PPP1R21: variants seen among roughly 807,000 people sequenced by gnomAD.
PPP1R21 encodes the protein protein phosphatase 1 regulatory subunit 21, also known as KLRAQ motif containing 1.
In PPP1R21, 85 loss-of-function variants were observed where a neutral mutation model predicts 112.8. The ratio of observed to expected loss-of-function variants is 0.75; its 90% CI spans 0.63 to 0.90. PPP1R21 has a LOEUF of 0.90. Among genes scored for constraint, PPP1R21 ranks in the 40% least tolerant of loss-of-function variants. PPP1R21 has a pLI of 0.00. For missense variants in PPP1R21, 1,199 were observed against 901.5 expected, an observed-to-expected ratio of 1.33 and a Z score of -4.23; for synonymous variants, 381 against 322.3, an observed-to-expected ratio of 1.18 and a Z score of -1.95.
chr2:48,452,304 G>A (rs1259782925), intron 2 of PPP1R21, among the ~76,000 whole-genome samples: 2 of 152,074 alleles, frequency 1.3e-5, no homozygotes, highest in Non-Finnish European at 2.9e-5. Flanking sequence ...TATTGATTGA[G>A]CACTCACTGC....
intron 15 of PPP1R21, among the ~76,000 whole-genome samples, chr2:48,494,302 G>T (rs1669710082): frequency 7.3e-6 from 1 of 136,958 alleles, no homozygotes; most frequent in East Asian, 2.4e-4. Flanking sequence ...TGCATTTAAT[G>T]TGCCTAACCT....
chr2:48,480,023 C>G lies in PPP1R21; in HGVS notation c.1318+7C>G. ...TTTCATGACGTTATGAAAGGTAGGC[C>G]TTGAAAAAGAACGTAAGCTTAAAAC... is the stretch of plus-strand genomic sequence containing the variant. On this transcript the variant is annotated splice_region_variant and intron_variant, in intron 13 of 21. Coordinates refer to ENST00000294952, the MANE Select transcript of PPP1R21 (RefSeq NM_001135629.3). 6.3e-7 allele frequency: 1 copy of G among 1,585,584 alleles called. No individual in the cohort carries two copies. The highest frequency in any genetic ancestry group is 8.7e-7 in the Non-Finnish European group (1 of 1,154,044).
chr2:48,442,718 C>A (rs1286809226), intron 1 of PPP1R21, among the ~76,000 whole-genome samples: 1 of 152,120 alleles, frequency 6.6e-6, no homozygotes, highest in Non-Finnish European at 1.5e-5. Flanking sequence ...TAGTAGCTTT[C>A]CAGGCAAAGG....
At chr2:48,497,655 T>A (rs569304622) in intron 16 of PPP1R21, among the ~76,000 whole-genome samples, 37 of 151,202 alleles carry the variant, frequency 2.4e-4, no homozygotes, top group Admixed American at 2.0e-3. Context: ...AGTTCTATTT[T>A]TTTTTTTTTT....
chr2:48,441,666 T>C (rs1457584606), intron 1 of PPP1R21, among the ~76,000 whole-genome samples: 2 of 152,228 alleles, frequency 1.3e-5, no homozygotes, highest in Non-Finnish European at 2.9e-5. Context: ...TTAAGCAACA[T>C]GGGGACCTGC....
intron 17 of PPP1R21, among the ~76,000 whole-genome samples, chr2:48,504,694 G>T (rs1031469225): frequency 3.9e-5 from 6 of 152,274 alleles, no homozygotes; most frequent in Non-Finnish European, 7.3e-5. Flanking sequence ...CTTATTGACA[G>T]AATCCATTGA....
chr2:48,505,205 C>T (rs929581519), intron 17 of PPP1R21, among the ~76,000 whole-genome samples: 9 of 152,188 alleles, frequency 5.9e-5, no homozygotes, highest in East Asian at 1.9e-4. Context: ...ACCGTAAAAA[C>T]GTCTTTACCC....
In PPP1R21 at chr2:48,460,192, A is replaced by G. The variant is rs202013006; in HGVS notation, c.599+39A>G. 15 of 1,598,504 alleles carry G rather than the reference A, an allele frequency of 9.4e-6. No homozygotes were observed. The African/African-American group carries it at 1.9e-4, about 20-fold the overall frequency. On this transcript the variant is annotated intron_variant, in intron 6 of 21. Coordinates refer to ENST00000294952, the MANE Select transcript of PPP1R21 (RefSeq NM_001135629.3). ...TGAATTCCAAGAGGGTTCTGAAGCA[A>G]GACTCAGAAGACATGGGTTTTGGTT... is the stretch of plus-strand genomic sequence containing the variant.
chr2:48,453,109 C>T (rs1667555101), intron 2 of PPP1R21, among the ~76,000 whole-genome samples: 1 of 152,020 alleles, frequency 6.6e-6, no homozygotes. Context: ...GTGCACCACC[C>T]TGCCTGGCTA....
intron 14 of PPP1R21, among the ~76,000 whole-genome samples, chr2:48,489,661 A>G (rs1669467216): frequency 6.6e-6 from 1 of 151,996 alleles, no homozygotes; most frequent in African/African-American, 2.4e-5. Context: ...TCTTAAAGAA[A>G]CTGCACTTTG....
intron 1 of PPP1R21, among the ~76,000 whole-genome samples, chr2:48,449,651 CT>C (rs1414890964): frequency 6.6e-6 from 1 of 152,062 alleles, no homozygotes; most frequent in African/African-American, 2.4e-5. Context: ...TATGCTTGTT[CT>C]TTTGGCACAG....
At chr2:48,497,994 T>A (rs1669928732) in intron 16 of PPP1R21, among the ~76,000 whole-genome samples, 1 of 152,204 alleles carries the variant, frequency 6.6e-6, no homozygotes, top group Non-Finnish European at 1.5e-5. Context: ...ATGTCCATTT[T>A]TGTATTCTCT....
chr2:48,487,145 A>G (rs1669337788), intron 14 of PPP1R21, among the ~76,000 whole-genome samples: 1 of 152,286 alleles, frequency 6.6e-6, no homozygotes, highest in East Asian at 1.9e-4. Context: ...TGATTAGAAG[A>G]TTCTAGGTAG....
At chr2:48,510,212 T>TA (rs1169369971) in intron 20 of PPP1R21, 99 bp downstream of exon 20, 7 of 778,178 alleles carry the variant, frequency 9.0e-6, no homozygotes, top group Admixed American at 5.6e-5. Flanking sequence ...GATCTCTAGA[T>TA]ATGCTTTTTA....
intron 16 of PPP1R21, among the ~76,000 whole-genome samples, chr2:48,496,799 T>G (rs2103628122): frequency 6.6e-6 from 1 of 152,352 alleles, no homozygotes; most frequent in Middle Eastern, 3.4e-3. Context: ...GTCACATTTC[T>G]TCATGGTTGT....
Position 48,454,638 on chromosome 2 carries a change from A to G in PPP1R21, c.170A>G (p.Gln57Arg), listed in dbSNP as rs537944849. 6.2e-7 allele frequency: 1 copy of G among 1,614,090 alleles called. No homozygotes were observed. The highest frequency in any genetic ancestry group is 8.5e-7 in the Non-Finnish European group (1 of 1,179,882). ...GATCAGTCATTGAGAAAACTACAAC[A>G]GGAAATGGACAGTTTGACATTTCGA... ...MKDQSLRKLQ[Q>R]EMDSLTFRNL... is the part of the protein sequence containing the mutation. The change falls in exon 3 of 22, where the codon CAG becomes CGG. Residue 57 changes from glutamine (Q) to arginine (R), a missense_variant. Coordinates refer to ENST00000294952, the MANE Select transcript of PPP1R21 (RefSeq NM_001135629.3).
intron 4 of PPP1R21, among the ~76,000 whole-genome samples, chr2:48,458,431 A>G (rs896204811): frequency 3.3e-5 from 5 of 152,212 alleles, no homozygotes; most frequent in African/African-American, 1.2e-4. Flanking sequence ...AAGTATATGC[A>G]TTTGTTCAGA....
chr2:48,460,422 T>C (rs2103799601), intron 6 of PPP1R21, among the ~76,000 whole-genome samples: 1 of 152,234 alleles, frequency 6.6e-6, no homozygotes, highest in East Asian at 1.9e-4. Context: ...GACTTTGTGT[T>C]TGAAACTACT....
At chr2:48,491,315 G>T in intron 15 of PPP1R21, 145 bp downstream of exon 15, 1 of 859,498 alleles carries the variant, frequency 1.2e-6, no homozygotes, top group Non-Finnish European at 1.7e-6. Flanking sequence ...GGGGAGGGCT[G>T]TGGGGAAGAG....
Sources: gnomAD v4.1 joint callset for allele counts (sites outside exome capture counted in the v4.1 genomes callset) on GRCh38, gnomAD v4.1.1 for gene constraint, MANE v1.5 for transcripts, NCBI Gene and HGNC (gene_info 2026-07-23, HGNC 2026-07-21) for gene names.